CHODL: variants seen among roughly 807,000 people sequenced by gnomAD.
The protein encoded by CHODL is transmembrane protein MT75.
A neutral mutation model predicts 34.5 loss-of-function variants in CHODL; 29 were observed. That is an observed-to-expected ratio of 0.84 (90% confidence interval 0.63 to 1.15). The LOEUF (loss-of-function observed/expected upper bound fraction) is 1.15. Ranked by LOEUF, CHODL falls within the 50% of genes most tolerant of loss-of-function variation. CHODL has a pLI of 0.00. For synonymous variants in CHODL, 125 were observed against 116.1 expected (o/e 1.08, Z -0.49); for missense variants, 332 against 332.5 (o/e 1.00, Z 0.01).
At chr21:18,186,162 G>A (rs755125304) in intron 2 of CHODL, among the ~76,000 whole-genome samples, 28 of 152,152 alleles carry the variant, frequency 1.8e-4, no homozygotes, top group Admixed American at 5.2e-4. Flanking sequence ...CCAGCAGAAC[G>A]ACCCTACCGA....
chr21:18,237,945 T>C (rs1045507455), intron 2 of CHODL, among the ~76,000 whole-genome samples: 1 of 152,094 alleles, frequency 6.6e-6, no homozygotes, highest in African/African-American at 2.4e-5. Context: ...ACAGAATAAG[T>C]GCAATATGTG....
chr21:17,956,679 A>G lies in CHODL; in HGVS notation c.-145+39279A>G, dbSNP rs1415952094. ...CCCACTTCTGGTACCTTAGAGAGCTATCTTCTCACTGTGTTTTCATATGGC... is the reference window on the plus strand; with the variant it reads ...CCCACTTCTGGTACCTTAGAGAGCTGTCTTCTCACTGTGTTTTCATATGGC... On this transcript the variant is annotated intron_variant, in intron 1 of 6. Coordinates refer to the CHODL transcript ENST00000400127. Among the ~76,000 whole-genome samples, 4 of 136,042 alleles carry G rather than the reference A, an allele frequency of 2.9e-5. 1 individual carries two copies. Among genetic ancestry groups the G allele is most frequent in the African/African-American group, 1.0e-4 (4 of 39,810 alleles). The allele number at this position is 136,042 out of a possible 152,430, so 89.2% of individuals were successfully genotyped here. A position where few individuals can be genotyped will look rare whatever the true frequency, so the allele number is the denominator to read the frequency against.
chr21:17,999,499 G>GT (rs1461626354), intron 1 of CHODL, among the ~76,000 whole-genome samples: 3 of 152,008 alleles, frequency 2.0e-5, no homozygotes, highest in African/African-American at 7.3e-5. Flanking sequence ...AAACACATAC[G>GT]TGAAACTGTG....
intron 2 of CHODL, among the ~76,000 whole-genome samples, chr21:18,209,191 G>A (rs2073746992): frequency 6.6e-6 from 1 of 152,194 alleles, no homozygotes; most frequent in African/African-American, 2.4e-5. Flanking sequence ...AGAAATCTCT[G>A]TGGTGCTCTA....
At chr21:18,002,393 G>A (rs964380868) in intron 1 of CHODL, among the ~76,000 whole-genome samples, 2 of 152,122 alleles carry the variant, frequency 1.3e-5, no homozygotes, top group African/African-American at 4.8e-5. Context: ...TTTTCTCTTA[G>A]TTCTAACCTC....
At chr21:18,125,002 A>G in intron 2 of CHODL, among the ~76,000 whole-genome samples, 1 of 152,238 alleles carries the variant, frequency 6.6e-6, no homozygotes, top group East Asian at 1.9e-4. Flanking sequence ...AGGATCTCAA[A>G]AAAACTTCCT....
intron 2 of CHODL, among the ~76,000 whole-genome samples, chr21:18,113,067 T>C (rs925792456): frequency 6.6e-6 from 1 of 150,880 alleles, no homozygotes; most frequent in African/African-American, 2.5e-5. Flanking sequence ...AACAACTCTA[T>C]AGGAAAAAAA....
intron 2 of CHODL, among the ~76,000 whole-genome samples, chr21:18,200,707 C>T (rs2073641551): frequency 6.6e-6 from 1 of 152,054 alleles, no homozygotes; most frequent in Non-Finnish European, 1.5e-5. Context: ...AGTCCTAACC[C>T]CTGGAAACTA....
At chr21:18,194,214 C>G (rs981025955) in intron 2 of CHODL, among the ~76,000 whole-genome samples, 2 of 152,290 alleles carry the variant, frequency 1.3e-5, no homozygotes, top group Admixed American at 1.3e-4. Flanking sequence ...TCATCATATC[C>G]TTTCAGTTTC....
intron 2 of CHODL, among the ~76,000 whole-genome samples, chr21:18,093,270 GACCTTCC>G (rs2065096377): frequency 6.6e-6 from 1 of 152,098 alleles, no homozygotes; most frequent in East Asian, 1.9e-4. Context: ...GAGGTGTAAA[GACCTTCC>G]CAGGCAAACA....
At chr21:17,983,251 G>C (rs1403343341) in intron 1 of CHODL, among the ~76,000 whole-genome samples, 1 of 152,098 alleles carries the variant, frequency 6.6e-6, no homozygotes, top group East Asian at 1.9e-4. Context: ...ATAATCCACT[G>C]TGTGGACATA....
intron 2 of CHODL, among the ~76,000 whole-genome samples, chr21:18,083,298 A>T (rs1189999473): frequency 6.6e-6 from 1 of 152,212 alleles, no homozygotes; most frequent in Admixed American, 6.5e-5. Flanking sequence ...ATTTTAGAGG[A>T]TGTACGGAAA....
chr21:18,072,001 T>A (rs906897143), intron 2 of CHODL, among the ~76,000 whole-genome samples: 1 of 152,076 alleles, frequency 6.6e-6, no homozygotes, highest in African/African-American at 2.4e-5. Flanking sequence ...AAATAAATCT[T>A]TTTTAAATAG....
chr21:18,245,911 T>G (rs2074135352), intron 1 of CHODL: 1 of 1,535,412 alleles, frequency 6.5e-7, no homozygotes, highest in African/African-American at 1.4e-5. Context: ...TCCCAGAAAA[T>G]GAAGTCAGCT....
chr21:17,959,935 T>G (rs895802983), intron 1 of CHODL, among the ~76,000 whole-genome samples: 15 of 152,196 alleles, frequency 9.9e-5, no homozygotes, highest in Admixed American at 2.6e-4. Flanking sequence ...TGCTGTGCTA[T>G]GAAATATTAT....
At chr21:17,951,079 AAT>A (rs965478664) in intron 1 of CHODL, among the ~76,000 whole-genome samples, 5 of 148,642 alleles carry the variant, frequency 3.4e-5, no homozygotes, top group African/African-American at 1.0e-4. Context: ...CTTATATAAG[AAT>A]ATGTGTGTGT....
intron 1 of CHODL, among the ~76,000 whole-genome samples, chr21:17,984,415 G>A (rs1486456008): frequency 1.3e-5 from 2 of 152,100 alleles, no homozygotes; most frequent in Admixed American, 6.5e-5. Flanking sequence ...TCATATGGCA[G>A]TTCTACTTCT....
intron 1 of CHODL, among the ~76,000 whole-genome samples, chr21:18,008,451 A>G (rs1000430307): frequency 6.6e-6 from 1 of 152,058 alleles, no homozygotes; most frequent in Non-Finnish European, 1.5e-5. Flanking sequence ...GCATAAAGAA[A>G]TTCTATAGCT....
At chr21:18,007,686 A>C (rs908795545) in intron 1 of CHODL, among the ~76,000 whole-genome samples, 2 of 152,228 alleles carry the variant, frequency 1.3e-5, no homozygotes, top group African/African-American at 4.8e-5. Context: ...TCAGACTAAA[A>C]TACAGCAAAT....
Sources: gnomAD v4.1 joint callset for allele counts (sites outside exome capture counted in the v4.1 genomes callset) on GRCh38, gnomAD v4.1.1 for gene constraint, MANE v1.5 for transcripts, NCBI Gene and HGNC (gene_info 2026-07-23, HGNC 2026-07-21) for gene names.